The following PLD5 variants were observed in gnomAD, a reference collection of about 807,000 sequenced individuals.
The protein encoded by PLD5 is inactive phospholipase D5.
Under a neutral mutation model 61.1 loss-of-function variants are expected in PLD5, and 36 were observed. That is an observed-to-expected ratio of 0.59 (90% CI 0.45 to 0.78). The LOEUF is 0.78. Ranked by LOEUF, PLD5 falls within the 30% of genes least tolerant of loss-of-function variation. PLD5 has a pLI of 0.00. For synonymous variants in PLD5, 243 were observed against 242.8 expected (o/e 1.00, Z -0.01); for missense variants, 515 against 644.4 (o/e 0.80, Z 2.17).
chr1:242,526,481 G>A (rs764216152), upstream of PLD5, among the ~76,000 whole-genome samples: 1 of 152,192 alleles, frequency 6.6e-6, no homozygotes, highest in Non-Finnish European at 1.5e-5. Flanking sequence ...CTGTCACCAG[G>A]CTGGAGTGCA....
intron 8 of PLD5, among the ~76,000 whole-genome samples, chr1:242,101,670 G>A (rs1327487549): frequency 6.6e-6 from 1 of 152,212 alleles, no homozygotes; most frequent in Non-Finnish European, 1.5e-5. Context: ...AGAAGAGGCA[G>A]GGAGGAAAAT....
At chr1:242,313,009 T>C (rs532470837) in intron 2 of PLD5, among the ~76,000 whole-genome samples, 1 of 152,320 alleles carries the variant, frequency 6.6e-6, no homozygotes, top group East Asian at 1.9e-4. Context: ...ATCACATATC[T>C]TCTTAAGCTT....
chr1:242,178,464 A>C (rs1667312328), intron 5 of PLD5: 1 of 152,236 alleles, frequency 6.6e-6, no homozygotes, highest in South Asian at 2.1e-4. Context: ...ATTTTTCTTC[A>C]CAAATCCATC....
upstream of PLD5, among the ~76,000 whole-genome samples, chr1:242,529,564 T>C (rs893132772): frequency 6.6e-6 from 1 of 152,108 alleles, no homozygotes; most frequent in African/African-American, 2.4e-5. Flanking sequence ...GTGGCTCAAC[T>C]CTAAATGCCT....
rs1218867040 is a variant in PLD5 at position 242,306,712 on chromosome 1, A to G, written c.327-18182T>C. 2.0e-5 allele frequency among the ~76,000 whole-genome samples: 3 copies of G among 152,082 alleles called. No individual in the cohort carries two copies. In the East Asian group the frequency reaches 5.8e-4, roughly 30 times the overall value. Reference sequence around the variant, plus strand: ...CACTCATATTACCAAGGAATGCTACACTGAGAAAGAGAATAAGAATTTATT... The same window carrying G: ...CACTCATATTACCAAGGAATGCTACGCTGAGAAAGAGAATAAGAATTTATT... On this transcript the variant is annotated intron_variant, in intron 2 of 9. Transcript: ENST00000536534.
chr1:242,479,227 G>C (rs1297756766), intron 1 of PLD5, among the ~76,000 whole-genome samples: 1 of 152,122 alleles, frequency 6.6e-6, no homozygotes, highest in Non-Finnish European at 1.5e-5. Flanking sequence ...AAACTGACTA[G>C]GTATAGAGAG....
chr1:242,494,078 CCCCTG>C (rs79092597), intron 1 of PLD5, among the ~76,000 whole-genome samples: 9,476 of 121,266 alleles, frequency 0.078, 604 homozygotes, highest in Admixed American at 0.14. Flanking sequence ...CCACTCCCCT[CCCCTG>C]CCCTCCCTTC....
At chr1:242,331,811 T>G (rs760124837) in intron 2 of PLD5, among the ~76,000 whole-genome samples, 1 of 152,190 alleles carries the variant, frequency 6.6e-6, no homozygotes, top group Non-Finnish European at 1.5e-5. Flanking sequence ...ATGTTAATAC[T>G]TCTAGAATCC....
intron 5 of PLD5, among the ~76,000 whole-genome samples, chr1:242,178,616 A>G (rs1667327132): frequency 6.6e-6 from 1 of 152,208 alleles, no homozygotes; most frequent in African/African-American, 2.4e-5. Context: ...GGATGTTTGT[A>G]TTATGCTGCC....
At chr1:242,194,620 ATCT>A in intron 5 of PLD5, among the ~76,000 whole-genome samples, 1 of 98,232 alleles carries the variant, frequency 1.0e-5, no homozygotes, top group African/African-American at 4.0e-5. Context: ...CTATCTATGT[ATCT>A]ATCTATCTAT....
chr1:242,092,697 C>G (rs1659928721), intron 9 of PLD5, among the ~76,000 whole-genome samples: 1 of 152,114 alleles, frequency 6.6e-6, no homozygotes, highest in South Asian at 2.1e-4. Context: ...ACCCCTGGCC[C>G]AAGGGCCCGC....
chr1:242,281,315 G>C (rs1411992108), intron 3 of PLD5, among the ~76,000 whole-genome samples: 3 of 152,110 alleles, frequency 2.0e-5, no homozygotes, highest in Non-Finnish European at 4.4e-5. Flanking sequence ...GAATGAGTGG[G>C]CTACCAGGTA....
chr1:242,357,310 T>C lies in PLD5; in HGVS notation c.190-9068A>G, dbSNP rs186289928. Among the ~76,000 whole-genome samples the C allele has an allele frequency of 3.9e-3, 586 of 150,760 alleles. 6 individuals carry two copies. The highest frequency in any genetic ancestry group is 0.014 in the African/African-American group (564 of 41,206). ...GTCTACCGATGATTGTATTGAGACT[T>C]CTTTGTAGGTAATATATTGCTTGTC... On this transcript the variant is annotated intron_variant, in intron 1 of 9. Transcript: ENST00000536534.
chr1:242,090,937 G>C (rs1225742811), intron 9 of PLD5, among the ~76,000 whole-genome samples: 1 of 151,790 alleles, frequency 6.6e-6, no homozygotes, highest in Non-Finnish European at 1.5e-5. Context: ...TTTTTAAATA[G>C]AGATGGGGTC....
intron 1 of PLD5, among the ~76,000 whole-genome samples, chr1:242,395,016 A>ATT (rs1663449270): frequency 1.5e-5 from 2 of 134,890 alleles, no homozygotes; most frequent in African/African-American, 5.6e-5. Context: ...AATATATATG[A>ATT]ATATATATGT....
intron 1 of PLD5, among the ~76,000 whole-genome samples, chr1:242,451,990 ATTG>A (rs1287009951): frequency 6.6e-6 from 1 of 152,048 alleles, no homozygotes; most frequent in Non-Finnish European, 1.5e-5. Context: ...GATGGTTTTT[ATTG>A]TTGTCCCCAC....
chr1:242,198,738 TTA>T (rs1558333655), intron 5 of PLD5, among the ~76,000 whole-genome samples: 1 of 144,116 alleles, frequency 6.9e-6, no homozygotes, highest in African/African-American at 2.8e-5. Flanking sequence ...AAATATCTCA[TTA>T]TTATTATTAT....
intron 1 of PLD5, among the ~76,000 whole-genome samples, chr1:242,402,287 C>T (rs1375365482): frequency 6.6e-6 from 1 of 150,524 alleles, no homozygotes; most frequent in African/African-American, 2.5e-5. Context: ...ACAAGTAAGA[C>T]ACTTTTTATT....
intron 2 of PLD5, among the ~76,000 whole-genome samples, chr1:242,306,979 G>T (rs1337606664): frequency 2.0e-5 from 3 of 152,256 alleles, no homozygotes; most frequent in African/African-American, 7.2e-5. Flanking sequence ...GTTAGGCTAA[G>T]TCGCCATCTG....
Sources: gnomAD v4.1 joint callset for allele counts (sites outside exome capture counted in the v4.1 genomes callset) on GRCh38, gnomAD v4.1.1 for gene constraint, MANE v1.5 for transcripts, NCBI Gene and HGNC (gene_info 2026-07-23, HGNC 2026-07-21) for gene names.